CHN2: variants seen among roughly 807,000 people sequenced by gnomAD.
The protein encoded by CHN2 is chimerin 2, also known as beta-chimaerin.
Under a neutral mutation model 56.3 loss-of-function variants are expected in CHN2, and 35 were observed. That is an observed-to-expected ratio of 0.62 (90% CI 0.47 to 0.82). The LOEUF (loss-of-function observed/expected upper bound fraction) is 0.82. Ranked by LOEUF, CHN2 falls within the 40% of genes least tolerant of loss-of-function variation. CHN2 has a pLI of 0.00. For missense variants in CHN2, 491 were observed against 580.5 expected (o/e 0.85, Z 1.58); for synonymous variants, 210 against 212.8 (o/e 0.99, Z 0.12).
chr7:29,380,217 G>A (rs1028557478), intron 3 of CHN2, among the ~76,000 whole-genome samples: 4 of 151,856 alleles, frequency 2.6e-5, no homozygotes, highest in South Asian at 2.1e-4. Flanking sequence ...AGGTCATGAC[G>A]TTATCAGTGA....
intron 1 of CHN2, chr7:29,195,580 C>T (rs1783586853): frequency 7.7e-6 from 1 of 130,416 alleles, no homozygotes; most frequent in African/African-American, 3.0e-5. Flanking sequence ...CATCCTCTGA[C>T]TCTTGGCACA....
intron 1 of CHN2, among the ~76,000 whole-genome samples, chr7:29,269,179 G>A (rs1026681219): frequency 5.9e-5 from 9 of 151,898 alleles, no homozygotes; most frequent in African/African-American, 1.5e-4. Flanking sequence ...TTTTGTGCCC[G>A]TGAACCTCTC....
At chr7:29,254,708 C>T (rs538022561) in intron 1 of CHN2, among the ~76,000 whole-genome samples, 9 of 152,170 alleles carry the variant, frequency 5.9e-5, no homozygotes, top group Non-Finnish European at 1.3e-4. Context: ...AAAAATCACA[C>T]ATACTAGGTC....
At chr7:29,279,518 A>C (rs961184085) in intron 1 of CHN2, among the ~76,000 whole-genome samples, 4 of 152,274 alleles carry the variant, frequency 2.6e-5, no homozygotes, top group Non-Finnish European at 4.4e-5. Flanking sequence ...AAAGACCTTC[A>C]TAGAAACACT....
intron 1 of CHN2, among the ~76,000 whole-genome samples, chr7:29,232,950 A>G (rs1315485234): frequency 1.3e-5 from 2 of 152,208 alleles, no homozygotes; most frequent in African/African-American, 2.4e-5. Flanking sequence ...CATCCTTGTT[A>G]TGACTTAATT....
At chr7:29,434,455 G>T (rs955942069) in intron 6 of CHN2, among the ~76,000 whole-genome samples, 11 of 151,826 alleles carry the variant, frequency 7.2e-5, no homozygotes, top group Admixed American at 1.3e-4. Flanking sequence ...TCTCTCTGAA[G>T]GCTCTAGGGG....
At chr7:29,338,109 A>G (rs1796761883) in intron 1 of CHN2, among the ~76,000 whole-genome samples, 1 of 152,228 alleles carries the variant, frequency 6.6e-6, no homozygotes, top group African/African-American at 2.4e-5. Context: ...GAGAGACTGA[A>G]GTAACAGCTT....
chr7:29,473,636 GC>G (rs1786346761), intron 6 of CHN2, among the ~76,000 whole-genome samples: 1 of 151,816 alleles, frequency 6.6e-6, no homozygotes, highest in African/African-American at 2.4e-5. Flanking sequence ...AGATTCTCTG[GC>G]CTGATCTCAT....
At chr7:29,378,489 G>A (rs974353974) in intron 3 of CHN2, among the ~76,000 whole-genome samples, 1 of 152,174 alleles carries the variant, frequency 6.6e-6, no homozygotes, top group Non-Finnish European at 1.5e-5. Flanking sequence ...GGTAAATAAA[G>A]TTTTATTAGA....
At chr7:29,468,130 A>T (rs1785697370) in intron 6 of CHN2, among the ~76,000 whole-genome samples, 1 of 104,008 alleles carries the variant, frequency 9.6e-6, no homozygotes, top group East Asian at 3.1e-4. Context: ...CACAGAAACC[A>T]AACGGACCCG....
chr7:29,407,811 A>T (rs1802799367), intron 6 of CHN2, among the ~76,000 whole-genome samples: 1 of 152,118 alleles, frequency 6.6e-6, no homozygotes, highest in African/African-American at 2.4e-5. Context: ...GGGATTTATC[A>T]CTCAGTCTGA....
At chr7:29,300,915 AT>A (rs1309171678) in intron 1 of CHN2, among the ~76,000 whole-genome samples, 1 of 152,188 alleles carries the variant, frequency 6.6e-6, no homozygotes, top group African/African-American at 2.4e-5. Context: ...CATGTGCAAT[AT>A]TTTTTAAATG....
At chr7:29,214,844 ATCTC>A (rs1562837016) in intron 1 of CHN2, among the ~76,000 whole-genome samples, 1 of 151,992 alleles carries the variant, frequency 6.6e-6, no homozygotes, top group African/African-American at 2.4e-5. Flanking sequence ...CCTCTTTCTC[ATCTC>A]TCTTTCATAA....
upstream of CHN2, chr7:29,191,479 A>G (rs952473813): frequency 5.2e-5 from 8 of 152,382 alleles, no homozygotes; most frequent in East Asian, 1.9e-4. Flanking sequence ...CCCCAAGGGC[A>G]TAGGCCACCA....
chr7:29,190,837 T>C (rs894009072), upstream of CHN2, among the ~76,000 whole-genome samples: 1 of 152,124 alleles, frequency 6.6e-6, no homozygotes, highest in Non-Finnish European at 1.5e-5. Context: ...ATTTACTCAA[T>C]GAGTAAACAA....
intron 1 of CHN2, among the ~76,000 whole-genome samples, chr7:29,221,569 A>G (rs1785793188): frequency 6.6e-6 from 1 of 152,142 alleles, no homozygotes; most frequent in Admixed American, 6.5e-5. Flanking sequence ...CCCACCACCT[A>G]GGTATTAAGC....
intron 2 of CHN2, among the ~76,000 whole-genome samples, chr7:29,174,860 T>TA (rs766262407): frequency 0.026 from 1,943 of 74,182 alleles, 16 homozygotes; most frequent in Non-Finnish European, 0.037. Flanking sequence ...AAACTCCATC[T>TA]AAAAAAAAAA....
chr7:29,400,612 T>C lies in CHN2; in HGVS notation c.360T>C (p.Phe120=), dbSNP rs1802127231. Residue 120 remains phenylalanine, a synonymous_variant, in exon 6 of 13, where the codon TTT becomes TTC. Transcript: ENST00000222792. ...DGKHFVGEKR[F]ESIHDLVTDG... is the part of the protein sequence containing the mutation. The stretch of plus-strand genomic sequence containing the variant: ...AACACTTTGTGGGTGAGAAGAGGTT[T>C]GAGTCGATTCATGATCTGGTGACAG... The C allele has an allele frequency of 6.2e-7, 1 of 1,614,142 alleles. No homozygotes were observed. The highest frequency in any genetic ancestry group is 8.5e-7 in the Non-Finnish European group (1 of 1,180,022).
intron 1 of CHN2, among the ~76,000 whole-genome samples, chr7:29,287,973 A>G (rs1336915993): frequency 6.6e-6 from 1 of 152,256 alleles, no homozygotes; most frequent in Non-Finnish European, 1.5e-5. Flanking sequence ...GGAACCTCAG[A>G]ACACTGCAAT....
Sources: allele counts gnomAD v4.1 joint callset (sites outside exome capture counted in the v4.1 genomes callset), GRCh38; gene constraint gnomAD v4.1.1; transcripts MANE v1.5; gene names NCBI Gene and HGNC (gene_info 2026-07-23, HGNC 2026-07-21).